The following ECSCR variants were observed in gnomAD, a reference collection of about 807,000 sequenced individuals.
The protein encoded by ECSCR is endothelial cell-specific chemotaxis regulator.
ECSCR carries 12 observed loss-of-function variants against 16.7 expected under a neutral mutation model. That is an observed-to-expected ratio of 0.72 (90% CI 0.46 to 1.17). The LOEUF is 1.17. Among genes scored for constraint, ECSCR ranks in the 50% most tolerant of loss-of-function variants. The pLI is 0.00. For missense variants in ECSCR, 122 were observed against 116.1 expected (o/e 1.05, Z -0.23); for synonymous variants, 44 against 42.2 (o/e 1.04, Z -0.17).
intron 8 of ECSCR, among the ~76,000 whole-genome samples, chr5:139,450,887 T>C (rs917590124): frequency 3.3e-5 from 5 of 152,190 alleles, no homozygotes; most frequent in Admixed American, 1.3e-4. Context: ...AATAAGTGGT[T>C]CCTAAGCTTA....
At chr5:139,454,662 T>C (rs1751117833) in intron 7 of ECSCR, 24 bp from the exon 8 acceptor site, 7 of 398,024 alleles carry the variant, frequency 1.8e-5, no homozygotes, top group Non-Finnish European at 3.1e-5. Flanking sequence ...AAGGCACAGG[T>C]TGGGGCTCAC....
In ECSCR at chr5:139,457,803, G is replaced by A. The variant is rs753569039; in HGVS notation, c.111C>T (p.Gly37=). The A allele has an allele frequency of 2.9e-5, 46 of 1,608,280 alleles. No individual in the cohort carries two copies. The highest frequency in any genetic ancestry group is 5.4e-5 in the African/African-American group (4 of 74,766). The change falls in exon 3 of 10, where the codon GGC becomes GGT. Residue 37 remains glycine (G), a synonymous_variant. Transcript: ENST00000618155. ...TMTQTSSSQG[G]LGGLSLTTEP... ...CTGTGGTCAGACTTAGACCGCCAAGGCCTCCTGAAACAGAACATCTGAGGC... is the reference window on the plus strand; with the variant it reads ...CTGTGGTCAGACTTAGACCGCCAAGACCTCCTGAAACAGAACATCTGAGGC...
Position 139,455,266 on chromosome 5 carries a change from A to G in ECSCR, c.376+57T>C, listed in dbSNP as rs1346690046. 6 of 398,228 alleles carry G rather than the reference A, an allele frequency of 1.5e-5. No individual in the cohort carries two copies. In the East Asian group the frequency reaches 2.1e-4, roughly 14 times the overall value. 24.7% of individuals were successfully genotyped at this position (398,228 alleles called of 1,614,324 possible). Reference sequence around the variant, plus strand: ...ACTTGCGTTTCAGACCCAGAGTCCAAGTTAATTCCAGGGGTAGGGGTTCCT... The same window carrying G: ...ACTTGCGTTTCAGACCCAGAGTCCAGGTTAATTCCAGGGGTAGGGGTTCCT... On this transcript the variant is annotated intron_variant, in intron 6 of 9. Coordinates refer to ENST00000618155, the MANE Select transcript of ECSCR (RefSeq NM_001077693.4).
At chr5:139,461,542 G>A (rs1234320498) in intron 1 of ECSCR, among the ~76,000 whole-genome samples, 3 of 152,194 alleles carry the variant, frequency 2.0e-5, no homozygotes, top group Non-Finnish European at 4.4e-5. Flanking sequence ...AGGGAGGCTG[G>A]GAAAAGTCTC....
rs1218919192 is a variant in ECSCR at position 139,462,618 on chromosome 5, A to T, written c.53T>A (p.Leu18Gln). 2 of 1,597,650 alleles carry T rather than the reference A, an allele frequency of 1.3e-6. No homozygotes were observed. The highest frequency in any genetic ancestry group is 2.7e-5 in the African/African-American group (2 of 74,638). The change falls in exon 1 of 10, where the codon CTG (leucine) becomes CAG (glutamine). Residue 18 changes from leucine to glutamine, a missense_variant. Physicochemically the swap from Leu to Gln is moderately radical, Grantham distance 113. Transcript: ENST00000618155. ...QLCWVILGFL[L>Q]FRGHNSQPTM... Reference sequence around the variant, plus strand: ...CGGCAGGCACCTCTTACCTCGGAACAGGAGGAAGCCCAGGATCACCCAGCA... The same window carrying T: ...CGGCAGGCACCTCTTACCTCGGAACTGGAGGAAGCCCAGGATCACCCAGCA...
In ECSCR at chr5:139,457,786, A is replaced by C; in HGVS notation, c.128T>G (p.Leu43Arg). The C allele has an allele frequency of 6.2e-7, 1 of 1,611,596 alleles. No homozygotes were observed. The change falls in exon 3 of 10, where the codon CTG becomes CGG. Residue 43 changes from leucine to arginine, a missense_variant. By Grantham distance (102) the Leu-to-Arg change is moderately radical (BLOSUM62 -2). Transcript: ENST00000618155. ...SSQGGLGGLS[L>R]TTEPVSSNPG... ...GTTGGAAGAAACTGGCTCTGTGGTCAGACTTAGACCGCCAAGGCCTCCTGA... is the reference window on the plus strand; with the variant it reads ...GTTGGAAGAAACTGGCTCTGTGGTCCGACTTAGACCGCCAAGGCCTCCTGA...
At chr5:139,457,506 C>T (rs1344923569) in intron 4 of ECSCR, 39 bp downstream of exon 4, 4 of 780,990 alleles carry the variant, frequency 5.1e-6, no homozygotes, top group African/African-American at 1.7e-5. Flanking sequence ...CTCACTGGGC[C>T]CTCCCTGGAT....
At chr5:139,458,882 G>A (rs896409473) in intron 1 of ECSCR, among the ~76,000 whole-genome samples, 5 of 151,734 alleles carry the variant, frequency 3.3e-5, no homozygotes, top group East Asian at 3.9e-4. Flanking sequence ...AGAAAAAAAC[G>A]TTTTGGCTTT....
At chr5:139,451,507 G>A (rs1751047415) in intron 8 of ECSCR, among the ~76,000 whole-genome samples, 1 of 148,734 alleles carries the variant, frequency 6.7e-6, no homozygotes, top group South Asian at 2.1e-4. Flanking sequence ...GGTGTGTGGT[G>A]TGAGTGTGTA....
chr5:139,458,017 G>T, intron 2 of ECSCR, 122 bp downstream of exon 2: 1 of 1,230,750 alleles, frequency 8.1e-7, no homozygotes, highest in Non-Finnish European at 1.2e-6. Flanking sequence ...AGTCCTGAGA[G>T]CTCCCGCTCC....
chr5:139,456,121 CAAAACAA>C (rs1283267957), intron 5 of ECSCR, among the ~76,000 whole-genome samples: 1 of 151,858 alleles, frequency 6.6e-6, no homozygotes, highest in Non-Finnish European at 1.5e-5. Context: ...GACTCTGTCT[CAAAACAA>C]AAAACAAAAA....
At chr5:139,449,217 AG>A (rs1750975220) in intron 8 of ECSCR, 43 bp from the exon 9 acceptor site, 1 of 1,415,994 alleles carries the variant, frequency 7.1e-7, no homozygotes, top group Admixed American at 2.0e-5. Context: ...GGAGGAGGGC[AG>A]GGCAATGGGG....
chr5:139,457,724 G>A (rs1751190060), intron 3 of ECSCR, 33 bp downstream of exon 3: 1 of 1,612,906 alleles, frequency 6.2e-7, no homozygotes, highest in Non-Finnish European at 8.5e-7. Context: ...GTGTGGGGCA[G>A]GAGCAGGGAC....
chr5:139,457,333 G>A (rs1195865005), intron 4 of ECSCR, among the ~76,000 whole-genome samples: 2 of 152,118 alleles, frequency 1.3e-5, no homozygotes, highest in Non-Finnish European at 2.9e-5. Context: ...CCTGGCCCCC[G>A]AGTCTGAAGT....
chr5:139,451,481 G>A (rs922473483), intron 8 of ECSCR, among the ~76,000 whole-genome samples: 7 of 148,280 alleles, frequency 4.7e-5, no homozygotes, highest in Admixed American at 2.0e-4. Context: ...TGTGTGTGAT[G>A]TGTGTGGTTT....
chr5:139,456,810 T>G (rs1468707203), intron 4 of ECSCR, among the ~76,000 whole-genome samples: 1 of 152,224 alleles, frequency 6.6e-6, no homozygotes, highest in Non-Finnish European at 1.5e-5. Context: ...GCCACTGATG[T>G]GGGTCCTGAC....
intron 8 of ECSCR, among the ~76,000 whole-genome samples, chr5:139,451,569 G>T: frequency 6.8e-6 from 1 of 146,548 alleles, no homozygotes; most frequent in East Asian, 2.1e-4. Flanking sequence ...GTGTGTGTGT[G>T]TGGTGTGGTG....
In ECSCR at chr5:139,455,312, T is replaced by TC. The variant is rs1751132500; in HGVS notation, c.376+10dup. The TC allele has an allele frequency of 2.5e-6, 1 of 398,574 alleles. No individual in the cohort carries two copies. The highest frequency in any genetic ancestry group is 4.4e-6 in the Non-Finnish European group (1 of 226,164). The allele number at this position is 398,574 out of a possible 1,614,324, so 24.7% of individuals were successfully genotyped here. A position where few individuals can be genotyped will look rare whatever the true frequency, so the allele number is the denominator to read the frequency against. On this transcript the variant is annotated intron_variant, in intron 6 of 9. Transcript: ENST00000618155. ...TTCCTCCTATGTCCCACCTTCTCCTTCCGGTCTCACCAAATGCAGCCACAG... is the reference window on the plus strand; with the variant it reads ...TTCCTCCTATGTCCCACCTTCTCCTTCCCGGTCTCACCAAATGCAGCCACAG...
chr5:139,454,082 A>G (rs1182446600), intron 8 of ECSCR, among the ~76,000 whole-genome samples: 2 of 84,958 alleles, frequency 2.4e-5, no homozygotes, highest in African/African-American at 4.7e-5. Flanking sequence ...GGTGTGTTTG[A>G]GGTATGTGTG....
Sources: gnomAD v4.1 joint callset for allele counts (sites outside exome capture counted in the v4.1 genomes callset) on GRCh38, gnomAD v4.1.1 for gene constraint, MANE v1.5 for transcripts, NCBI Gene and HGNC (gene_info 2026-07-23, HGNC 2026-07-21) for gene names.